PCDHA3: variants seen among roughly 807,000 people sequenced by gnomAD.
The protein encoded by PCDHA3 is protocadherin alpha-3.
Under a neutral mutation model 62.2 loss-of-function variants are expected in PCDHA3, and 41 were observed. The ratio of observed to expected loss-of-function variants is 0.66; its 90% confidence interval spans 0.51 to 0.86. The LOEUF is 0.86. Ranked by LOEUF, PCDHA3 falls within the 40% of genes least tolerant of loss-of-function variation. The pLI, the probability that PCDHA3 is intolerant of heterozygous loss-of-function variation, is 0.00. For synonymous variants in PCDHA3, 640 were observed against 555.4 expected, an observed-to-expected ratio of 1.15 and a Z score of -2.14; for missense variants, 1,304 against 1,241.2, an observed-to-expected ratio of 1.05 and a Z score of -0.76.
chr5:140,982,447 C>T (rs782801484), intron 2 of PCDHA3, 28 bp from the exon 3 acceptor site: 5 of 1,613,664 alleles, frequency 3.1e-6, no homozygotes, highest in Admixed American at 3.3e-5. Flanking sequence ...ATGATCTAAC[C>T]GTTATCTGGG....
At chr5:140,805,847 A>G (rs1763638742) in intron 1 of PCDHA3, among the ~76,000 whole-genome samples, 1 of 152,186 alleles carries the variant, frequency 6.6e-6, no homozygotes, top group African/African-American at 2.4e-5. Context: ...TAGATATGCG[A>G]TCACCTTAAA....
intron 1 of PCDHA3, chr5:140,805,037 A>C (rs1399242913): frequency 2.4e-5 from 38 of 1,585,760 alleles, no homozygotes; most frequent in Non-Finnish European, 2.9e-5. Context: ...TAATAGAGTC[A>C]GCCAAAGTAC....
chr5:140,827,842 A>G (rs1769428181), intron 1 of PCDHA3: 1 of 458,490 alleles, frequency 2.2e-6, no homozygotes, highest in Non-Finnish European at 3.7e-6. Flanking sequence ...AAAAGAAGAT[A>G]CTGTTTTAAA....
intron 1 of PCDHA3, among the ~76,000 whole-genome samples, chr5:140,892,438 ATT>A (rs2063515415): frequency 6.6e-6 from 1 of 152,198 alleles, no homozygotes; most frequent in African/African-American, 2.4e-5. Context: ...ATTATCTAAA[ATT>A]TACATGTATT....
chr5:140,882,153 A>G (rs1197738298), intron 1 of PCDHA3: 9 of 1,505,320 alleles, frequency 6.0e-6, no homozygotes, highest in Admixed American at 2.3e-5. Flanking sequence ...CAGAAAGCGG[A>G]ATACCTCTTG....
chr5:140,842,435 A>G (rs2150336163), intron 1 of PCDHA3: 10 of 1,613,586 alleles, frequency 6.2e-6, no homozygotes, highest in Admixed American at 5.0e-5. Context: ...CATCGCCCTA[A>G]TTAGCGTGAA....
intron 1 of PCDHA3, chr5:140,814,751 A>G (rs1302153623): frequency 2.6e-5 from 4 of 152,130 alleles, no homozygotes; most frequent in Non-Finnish European, 5.9e-5. Context: ...TTATGGGACT[A>G]CTCTTGTACA....
intron 1 of PCDHA3, among the ~76,000 whole-genome samples, chr5:140,890,477 C>G (rs1255992157): frequency 6.6e-6 from 1 of 151,926 alleles, no homozygotes; most frequent in African/African-American, 2.4e-5. Context: ...ATTTTTTGTG[C>G]GTTATTTTTG....
intron 1 of PCDHA3, chr5:140,812,398 G>A (rs2126638368): frequency 3.3e-5 from 5 of 151,504 alleles, no homozygotes; most frequent in African/African-American, 1.2e-4. Flanking sequence ...CTAGCTAAGG[G>A]GCTTGTCAGT....
intron 1 of PCDHA3, among the ~76,000 whole-genome samples, chr5:140,934,476 AATTAT>A (rs2089852464): frequency 6.6e-6 from 1 of 152,124 alleles, no homozygotes. Flanking sequence ...TTATTTTGAA[AATTAT>A]ATTCACCTCA....
intron 1 of PCDHA3, among the ~76,000 whole-genome samples, chr5:140,841,009 C>T (rs1241373948): frequency 6.6e-6 from 1 of 151,948 alleles, no homozygotes; most frequent in African/African-American, 2.4e-5. Flanking sequence ...AGGAGCCAGA[C>T]AGTATGAATG....
chr5:140,828,101 AC>A, intron 1 of PCDHA3: 1 of 1,607,798 alleles, frequency 6.2e-7, no homozygotes, highest in East Asian at 2.2e-5. Context: ...CATGGTGTTT[AC>A]CCCGGAGGAT....
At chr5:140,977,379 C>T (rs921133722) in intron 1 of PCDHA3, among the ~76,000 whole-genome samples, 4 of 152,134 alleles carry the variant, frequency 2.6e-5, no homozygotes, top group African/African-American at 2.4e-5. Flanking sequence ...AGTCATATTT[C>T]CAGGTTTATA....
intron 1 of PCDHA3, chr5:140,926,696 C>A: frequency 1.3e-6 from 1 of 771,792 alleles, no homozygotes; most frequent in Non-Finnish European, 1.9e-6. Context: ...GCAAGCCCGG[C>A]TCCCAGCTGG....
intron 1 of PCDHA3, chr5:140,850,313 G>C (rs113332257): frequency 1.3e-6 from 2 of 1,597,364 alleles, no homozygotes; most frequent in African/African-American, 1.3e-5. Context: ...ACAACGCGTG[G>C]CTTTCATACG....
Position 140,802,448 on chromosome 5 carries a change from C to A in PCDHA3, c.1251C>A (p.Ser417Arg), listed in dbSNP as rs782040160. The A allele has an allele frequency of 6.2e-7, 1 of 1,614,198 alleles. No homozygotes were observed. Among genetic ancestry groups the A allele is most frequent in the Non-Finnish European group, 8.5e-7 (1 of 1,180,044 alleles). The change falls in exon 1 of 4, where the codon AGC (serine) becomes AGA (arginine). Residue 417 changes from serine (S) to arginine (R), a missense_variant. Physicochemically the swap from Ser to Arg is moderately radical, Grantham distance 110 (BLOSUM62 -1). Coordinates refer to ENST00000522353, the MANE Select transcript of PCDHA3 (RefSeq NM_018906.3). The stretch of plus-strand genomic sequence containing the variant: ...TGGACAGCCCTCTGGACCGCGAGAG[C>A]GTGTCGGCCTATGAGCTGGTGGTGA... ...LVLDSPLDRE[S>R]VSAYELVVTA...
At chr5:140,821,996 T>G (rs2150112838) in intron 1 of PCDHA3, 3 of 1,614,014 alleles carry the variant, frequency 1.9e-6, no homozygotes, top group East Asian at 4.5e-5. Context: ...GGGGACCTTC[T>G]GGAGGTAAAT....
intron 1 of PCDHA3, chr5:140,850,857 G>C: frequency 6.3e-7 from 1 of 1,595,010 alleles, no homozygotes; most frequent in Non-Finnish European, 8.6e-7. Flanking sequence ...GCGAACGGGA[G>C]AACCCTCTGC....
At chr5:140,892,324 C>T (rs1158961031) in intron 1 of PCDHA3, among the ~76,000 whole-genome samples, 3 of 152,308 alleles carry the variant, frequency 2.0e-5, no homozygotes, top group Non-Finnish European at 4.4e-5. Context: ...CATTTTCTTT[C>T]TCCAGAATGG....
Sources: gnomAD v4.1 joint callset for allele counts (sites outside exome capture counted in the v4.1 genomes callset) on GRCh38, gnomAD v4.1.1 for gene constraint, MANE v1.5 for transcripts, NCBI Gene and HGNC (gene_info 2026-07-23, HGNC 2026-07-21) for gene names.